Variants in ADARB2 observed in about 807,000 individuals in gnomAD.
The protein encoded by ADARB2 is inactive double-stranded RNA-specific editase B2.
A neutral mutation model predicts 62.2 loss-of-function variants in ADARB2; 25 were observed. The ratio of observed to expected loss-of-function variants is 0.40; its 90% confidence interval spans 0.29 to 0.56. The LOEUF is 0.56. Among genes scored for constraint, ADARB2 ranks in the 20% least tolerant of loss-of-function variants. The probability of loss-of-function intolerance (pLI) is 0.43; values close to 1 mark genes in which losing one functional copy is unlikely to be tolerated. For synonymous variants in ADARB2, 572 were observed against 500.8 expected, an observed-to-expected ratio of 1.14 and a Z score of -1.90; for missense variants, 1,071 against 1,077.4, an observed-to-expected ratio of 0.99 and a Z score of 0.08.
intron 3 of ADARB2, among the ~76,000 whole-genome samples, chr10:1,326,556 C>T (rs996951084): frequency 1.3e-5 from 2 of 152,214 alleles, no homozygotes; most frequent in Admixed American, 1.3e-4. Context: ...AGTAACTTTT[C>T]TCTGGATCCC....
rs904235349 is a variant in ADARB2 at position 1,178,877 on chromosome 10, G to A, written c.*4316C>T. The A allele has an allele frequency of 1.3e-5, 2 of 152,172 alleles. No homozygotes were observed. The highest frequency in any genetic ancestry group is 4.8e-5 in the African/African-American group (2 of 41,432). The allele number at this position is 152,172 out of a possible 1,614,324, so 9.4% of individuals were successfully genotyped here. On this transcript the variant is annotated 3_prime_UTR_variant, in exon 10 of 10. Coordinates refer to ENST00000381312, the MANE Select transcript of ADARB2 (RefSeq NM_018702.4). ...GGTTCTGTTGGGTGTTATGAGAGGC[G>A]GCTGCAGCGATCCAACGGTAGTACA...
At chr10:1,281,239 C>T (rs564715986) in intron 3 of ADARB2, among the ~76,000 whole-genome samples, 1 of 152,352 alleles carries the variant, frequency 6.6e-6, no homozygotes, top group South Asian at 2.1e-4. Flanking sequence ...CTTAGGGGCT[C>T]TTCAGGCCTG....
chr10:1,242,030 G>T, intron 5 of ADARB2, 101 bp downstream of exon 5: 1 of 1,274,878 alleles, frequency 7.8e-7, no homozygotes, highest in Non-Finnish European at 1.1e-6. Flanking sequence ...TGCCAGGATA[G>T]AGGGAAGCGT....
intron 3 of ADARB2, among the ~76,000 whole-genome samples, chr10:1,302,625 CCTGT>C (rs1158351141): frequency 1.3e-5 from 2 of 152,212 alleles, no homozygotes; most frequent in Non-Finnish European, 1.5e-5. Flanking sequence ...CTTAAATGTC[CCTGT>C]CTGACAGCTT....
chr10:1,216,834 C>G (rs1487611835), intron 7 of ADARB2, 117 bp downstream of exon 7: 2 of 1,348,630 alleles, frequency 1.5e-6, no homozygotes, highest in Admixed American at 2.1e-5. Context: ...GCACAGGGCC[C>G]TGACCGCATG....
In ADARB2 at chr10:1,181,657, A is replaced by G. The variant is rs10794729; in HGVS notation, c.*1536T>C. The G allele has an allele frequency of 0.33, 50,860 of 152,158 alleles. 8,556 individuals carry two copies. The highest frequency in any genetic ancestry group is 0.4 in the Admixed American group (6,106 of 15,290). The allele number at this position is 152,158 out of a possible 1,614,324, so 9.4% of individuals were successfully genotyped here. The stretch of plus-strand genomic sequence containing the variant: ...TATAGCACTTGACTATGTACAGCAC[A>G]ATGTTATTCTTGCACTTTCTGGGGT... On this transcript the variant is annotated 3_prime_UTR_variant, in exon 10 of 10. Coordinates refer to ENST00000381312, the MANE Select transcript of ADARB2 (RefSeq NM_018702.4).
intron 1 of ADARB2, among the ~76,000 whole-genome samples, chr10:1,432,893 G>A (rs1337822226): frequency 2.6e-5 from 4 of 151,986 alleles, no homozygotes; most frequent in African/African-American, 4.8e-5. Flanking sequence ...CCAGAATCTC[G>A]CACAGCCATA....
At chr10:1,519,714 T>A (rs974279157) in intron 1 of ADARB2, among the ~76,000 whole-genome samples, 1 of 152,182 alleles carries the variant, frequency 6.6e-6, no homozygotes, top group Non-Finnish European at 1.5e-5. Context: ...GATTTGGGAC[T>A]GGCCATGGCA....
Position 1,614,110 on chromosome 10 carries a change from C to T in ADARB2, c.100+122941G>A, listed in dbSNP as rs141852327. 2.5e-3 allele frequency among the ~76,000 whole-genome samples: 381 copies of T among 152,096 alleles called. 2 individuals are homozygous for T. The highest frequency in any genetic ancestry group is 7.9e-3 in the African/African-American group (329 of 41,484). On this transcript the variant is annotated intron_variant, in intron 1 of 9. Transcript: ENST00000381312. ...AACACACAGACAGCCTGAAAACCAC[C>T]GAGGCTGTTAAAGAGAAGAATGCAG...
intron 1 of ADARB2, among the ~76,000 whole-genome samples, chr10:1,553,597 G>A (rs190238936): frequency 1.9e-3 from 286 of 152,272 alleles, no homozygotes; most frequent in Non-Finnish European, 2.9e-3. Context: ...GGCCGGCTCC[G>A]TCTTGGCATT....
intron 1 of ADARB2, among the ~76,000 whole-genome samples, chr10:1,485,491 C>T (rs920037043): frequency 1.3e-5 from 2 of 152,098 alleles, no homozygotes; most frequent in African/African-American, 2.4e-5. Flanking sequence ...CAGCTCCGCA[C>T]GCAGCCTGCA....
intron 1 of ADARB2, among the ~76,000 whole-genome samples, chr10:1,541,125 C>A (rs79155582): frequency 6.7e-5 from 2 of 29,952 alleles, no homozygotes; most frequent in Non-Finnish European, 1.5e-4. Context: ...CACTCAGACG[C>A]AGTTCAGACC....
At chr10:1,550,396 T>C (rs956582458) in intron 1 of ADARB2, among the ~76,000 whole-genome samples, 1 of 152,192 alleles carries the variant, frequency 6.6e-6, no homozygotes, top group Non-Finnish European at 1.5e-5. Flanking sequence ...GCTCATTCTT[T>C]GGAGAGTCTC....
At chr10:1,673,207 ATTT>A (rs1834414096) in intron 1 of ADARB2, among the ~76,000 whole-genome samples, 2 of 152,190 alleles carry the variant, frequency 1.3e-5, no homozygotes, top group South Asian at 2.1e-4. Context: ...AAAAACATGA[ATTT>A]TATTATAATA....
chr10:1,411,588 G>C (rs138542242), intron 1 of ADARB2, among the ~76,000 whole-genome samples: 10 of 152,224 alleles, frequency 6.6e-5, no homozygotes, highest in Admixed American at 3.9e-4. Context: ...AAAGCGACAG[G>C]CACCACAGAT....
intron 1 of ADARB2, among the ~76,000 whole-genome samples, chr10:1,543,541 C>T (rs1451825837): frequency 1.3e-5 from 2 of 152,226 alleles, no homozygotes. Flanking sequence ...CCGTCCATTG[C>T]CGCATTTATT....
chr10:1,714,572 G>A (rs1201881788), intron 1 of ADARB2, among the ~76,000 whole-genome samples: 2 of 152,198 alleles, frequency 1.3e-5, no homozygotes, highest in Non-Finnish European at 2.9e-5. Flanking sequence ...AGCTACGCCT[G>A]GGTCCTAACT....
chr10:1,403,044 G>A (rs1412869342), intron 1 of ADARB2, among the ~76,000 whole-genome samples: 2 of 152,296 alleles, frequency 1.3e-5, no homozygotes, highest in East Asian at 3.9e-4. Context: ...GCGCTCGTGC[G>A]CCTGGAGCTC....
At chr10:1,711,565 G>A (rs571042923) in intron 1 of ADARB2, among the ~76,000 whole-genome samples, 1 of 152,178 alleles carries the variant, frequency 6.6e-6, no homozygotes. Context: ...AGAAGAAAAC[G>A]TGAGAATAAC....
Sources: allele counts gnomAD v4.1 joint callset (sites outside exome capture counted in the v4.1 genomes callset), GRCh38; gene constraint gnomAD v4.1.1; transcripts MANE v1.5; gene names NCBI Gene and HGNC (gene_info 2026-07-23, HGNC 2026-07-21).